ALK: variants seen among roughly 807,000 people sequenced by gnomAD.
ALK encodes the protein ALK tyrosine kinase receptor.
In ALK, 74 loss-of-function variants were observed where a neutral mutation model predicts 163.1. The observed-to-expected ratio is 0.45, with a 90% confidence interval of 0.38 to 0.55. The LOEUF is 0.55. ALK is among the 20% of genes least tolerant of loss of function. The pLI, the probability that ALK is intolerant of heterozygous loss-of-function variation, is 0.00. For missense variants in ALK, 2,063 were observed against 2,105.3 expected (o/e 0.98, Z 0.39); for synonymous variants, 960 against 843.2 (o/e 1.14, Z -2.40).
At chr2:29,740,887 A>G (rs1028397078) in intron 1 of ALK, among the ~76,000 whole-genome samples, 3 of 152,154 alleles carry the variant, frequency 2.0e-5, no homozygotes, top group Non-Finnish European at 4.4e-5. Flanking sequence ...CTGTAATCTC[A>G]GCTACTCAGG....
At chr2:29,320,621 G>T in intron 7 of ALK, 130 bp downstream of exon 7, 1 of 1,295,010 alleles carries the variant, frequency 7.7e-7, no homozygotes, top group Non-Finnish European at 1.1e-6. Flanking sequence ...GTGTGTGAAC[G>T]CTCTAGGCAA....
intron 3 of ALK, among the ~76,000 whole-genome samples, chr2:29,654,487 T>C (rs533820255): frequency 1.3e-5 from 2 of 152,182 alleles, no homozygotes; most frequent in East Asian, 1.9e-4. Flanking sequence ...AAAGAATCCA[T>C]GAAAAAGGAA....
chr2:29,349,568 C>A (rs1408472930), intron 5 of ALK, among the ~76,000 whole-genome samples: 1 of 152,194 alleles, frequency 6.6e-6, no homozygotes, highest in African/African-American at 2.4e-5. Context: ...AAGCAGGGAT[C>A]CTCTGTACCT....
chr2:29,712,480 G>A (rs937490730), intron 2 of ALK, among the ~76,000 whole-genome samples: 1 of 152,186 alleles, frequency 6.6e-6, no homozygotes, highest in Non-Finnish European at 1.5e-5. Context: ...GACCAGAATG[G>A]CTGATCACAG....
At chr2:29,811,664 T>C (rs775348922) in intron 1 of ALK, among the ~76,000 whole-genome samples, 4 of 152,170 alleles carry the variant, frequency 2.6e-5, no homozygotes, top group African/African-American at 7.2e-5. Flanking sequence ...CAATAAGGCA[T>C]GTAGCTGACC....
intron 8 of ALK, among the ~76,000 whole-genome samples, chr2:29,303,759 AT>A (rs1476764074): frequency 6.6e-6 from 1 of 152,236 alleles, no homozygotes; most frequent in Admixed American, 6.5e-5. Flanking sequence ...GGAGGCCATT[AT>A]CTTAAGTGAG....
intron 4 of ALK, among the ~76,000 whole-genome samples, chr2:29,502,149 T>TA (rs527934193): frequency 4.6e-4 from 70 of 152,302 alleles, no homozygotes; most frequent in African/African-American, 1.7e-3. Context: ...CGCTGGAGAA[T>TA]AAAACAGGCA....
chr2:29,391,929 G>A (rs573851508), intron 4 of ALK, among the ~76,000 whole-genome samples: 1 of 152,286 alleles, frequency 6.6e-6, no homozygotes, highest in South Asian at 2.1e-4. Context: ...TTAAGAAGTG[G>A]GAATACTAAT....
intron 1 of ALK, among the ~76,000 whole-genome samples, chr2:29,892,854 G>A (rs1667180009): frequency 6.6e-6 from 1 of 152,182 alleles, no homozygotes; most frequent in Non-Finnish European, 1.5e-5. Context: ...GGGGGAGAAT[G>A]ACTTGTGGAT....
chr2:29,793,918 G>A (rs1389959914), intron 1 of ALK, among the ~76,000 whole-genome samples: 1 of 152,156 alleles, frequency 6.6e-6, no homozygotes, highest in African/African-American at 2.4e-5. Context: ...AAATAAGACT[G>A]ACTTGAACTT....
At position 29,235,856 on chromosome 2, in the gene ALK, C is replaced by CTTTTTT. The variant is rs569363324; in HGVS notation, c.2356-2166_2356-2161dup. Reference sequence around the variant, plus strand: ...TACAGGCACAAGCTACCAGGCTCGACTTTTTTTTTTTTTTTTTTTTTTTTT... The same window carrying CTTTTTT: ...TACAGGCACAAGCTACCAGGCTCGACTTTTTTTTTTTTTTTTTTTTTTTTTTTTTTT... On this transcript the variant is annotated intron_variant, in intron 13 of 28. Coordinates refer to ENST00000389048, the MANE Select transcript of ALK (RefSeq NM_004304.5). Among the ~76,000 whole-genome samples, 75 of 38,292 alleles carry CTTTTTT rather than the reference C, an allele frequency of 2.0e-3. 15 individuals are homozygous for CTTTTTT. The highest frequency in any genetic ancestry group is 4.2e-3 in the South Asian group (2 of 478). 25.1% of individuals were successfully genotyped at this position (38,292 alleles called of 152,430 possible).
chr2:29,230,119 A>G (rs1664153125), intron 15 of ALK, among the ~76,000 whole-genome samples: 1 of 152,196 alleles, frequency 6.6e-6, no homozygotes, highest in African/African-American at 2.4e-5. Context: ...TCCCTCCATC[A>G]CACCAAAATA....
rs1413259382 is a variant in ALK at position 29,738,029 on chromosome 2, G to C, written c.668-20332C>G. ...CCCTGAAACCCAGATCTTGGTATAA[G>C]AGCAGTGAAAAAGGGTAGAGATCAT... is the stretch of plus-strand genomic sequence containing the variant. On this transcript the variant is annotated intron_variant, in intron 1 of 28. Transcript: ENST00000389048. 3.3e-5 allele frequency among the ~76,000 whole-genome samples: 5 copies of C among 151,994 alleles called. 1 individual carries two copies. Among genetic ancestry groups the C allele is most frequent in the African/African-American group, 1.2e-4 (5 of 41,310 alleles).
intron 2 of ALK, among the ~76,000 whole-genome samples, chr2:29,715,381 G>C (rs556508093): frequency 6.6e-6 from 1 of 152,328 alleles, no homozygotes; most frequent in African/African-American, 2.4e-5. Context: ...CAGGAGGAGA[G>C]TTTGAAAGAG....
intron 2 of ALK, among the ~76,000 whole-genome samples, chr2:29,698,580 G>T (rs1320252391): frequency 1.3e-5 from 2 of 152,212 alleles, no homozygotes; most frequent in African/African-American, 4.8e-5. Flanking sequence ...CATGCCAACT[G>T]TCTGAGTTGT....
At chr2:29,603,610 G>C (rs896728648) in intron 3 of ALK, among the ~76,000 whole-genome samples, 1 of 151,880 alleles carries the variant, frequency 6.6e-6, no homozygotes, top group African/African-American at 2.4e-5. Context: ...AGGCTTCCTT[G>C]GAAGCCCCCT....
intron 4 of ALK, among the ~76,000 whole-genome samples, chr2:29,499,388 G>C (rs1672110995): frequency 6.6e-6 from 1 of 152,044 alleles, no homozygotes. Flanking sequence ...AGTAAACAAG[G>C]TTTCATCACT....
chr2:29,501,324 C>A (rs1672170136), intron 4 of ALK, among the ~76,000 whole-genome samples: 1 of 152,230 alleles, frequency 6.6e-6, no homozygotes, highest in Non-Finnish European at 1.5e-5. Flanking sequence ...GCCGACAATT[C>A]TCTGGAGATG....
At chr2:29,261,489 T>A (rs1044464764) in intron 11 of ALK, among the ~76,000 whole-genome samples, 2 of 152,176 alleles carry the variant, frequency 1.3e-5, no homozygotes, top group Admixed American at 1.3e-4. Flanking sequence ...TTTGCTATGG[T>A]GAGCCCCTGT....
Sources: gnomAD v4.1 joint callset for allele counts (sites outside exome capture counted in the v4.1 genomes callset) on GRCh38, gnomAD v4.1.1 for gene constraint, MANE v1.5 for transcripts, NCBI Gene and HGNC (gene_info 2026-07-23, HGNC 2026-07-21) for gene names.